EPHA7: variants seen among roughly 807,000 people sequenced by gnomAD.
EPHA7 encodes the protein EPH receptor A7.
Under a neutral mutation model 112.6 loss-of-function variants are expected in EPHA7, and 25 were observed. The ratio of observed to expected loss-of-function variants is 0.22; its 90% CI spans 0.16 to 0.31. The LOEUF (loss-of-function observed/expected upper bound fraction) is 0.31. Ranked by LOEUF, EPHA7 falls within the 10% of genes least tolerant of loss-of-function variation. The pLI is 1.00. For synonymous variants in EPHA7, 437 were observed against 406.5 expected (o/e 1.07, Z -0.90); for missense variants, 962 against 1,212.6 (o/e 0.79, Z 3.07).
At chr6:93,260,004 A>T (rs1381631126) in intron 9 of EPHA7, among the ~76,000 whole-genome samples, 1 of 151,980 alleles carries the variant, frequency 6.6e-6, no homozygotes, top group Non-Finnish European at 1.5e-5. Flanking sequence ...GTTGATATAT[A>T]CATAAAATTA....
chr6:93,319,140 A>T (rs986956320), intron 5 of EPHA7, among the ~76,000 whole-genome samples: 2 of 152,118 alleles, frequency 1.3e-5, no homozygotes, highest in African/African-American at 4.8e-5. Flanking sequence ...TTTTCCCCAA[A>T]AAGATGGACA....
At chr6:93,268,125 T>G (rs1236582505) in intron 7 of EPHA7, among the ~76,000 whole-genome samples, 1 of 151,684 alleles carries the variant, frequency 6.6e-6, no homozygotes, top group Non-Finnish European at 1.5e-5. Flanking sequence ...CTTGATCTTA[T>G]ATAATCTATT....
At chr6:93,309,676 C>T (rs1242659222) in intron 5 of EPHA7, among the ~76,000 whole-genome samples, 1 of 151,774 alleles carries the variant, frequency 6.6e-6, no homozygotes, top group Non-Finnish European at 1.5e-5. Flanking sequence ...TAAATTCATA[C>T]CCATTCAAAT....
chr6:93,384,628 G>C (rs1051870706), intron 3 of EPHA7, among the ~76,000 whole-genome samples: 11 of 152,078 alleles, frequency 7.2e-5, no homozygotes, highest in Admixed American at 3.9e-4. Flanking sequence ...TGCTCACTGT[G>C]CCTAGAAGTG....
At chr6:93,252,433 G>GA (rs3839560) in intron 14 of EPHA7, among the ~76,000 whole-genome samples, 6 of 150,778 alleles carry the variant, frequency 4.0e-5, no homozygotes, top group Admixed American at 1.3e-4. Context: ...AACCTTCCCA[G>GA]AAAAAAAAAT....
chr6:93,267,174 AT>A (rs1770983649), intron 7 of EPHA7, among the ~76,000 whole-genome samples: 1 of 151,710 alleles, frequency 6.6e-6, no homozygotes, highest in African/African-American at 2.4e-5. Flanking sequence ...AATATAAAAC[AT>A]TTTTTGATAT....
At chr6:93,344,862 C>G (rs1011682357) in intron 5 of EPHA7, among the ~76,000 whole-genome samples, 2 of 151,646 alleles carry the variant, frequency 1.3e-5, no homozygotes, top group African/African-American at 4.8e-5. Flanking sequence ...TCCATCCTAA[C>G]TATTTGTTTT....
chr6:93,244,679 GT>G (rs1769866290), intron 16 of EPHA7, among the ~76,000 whole-genome samples: 1 of 151,014 alleles, frequency 6.6e-6, no homozygotes, highest in Non-Finnish European at 1.5e-5. Flanking sequence ...TTTTTTTCAG[GT>G]TAAAAAAAAA....
At chr6:93,313,746 A>G (rs1773654342) in intron 5 of EPHA7, among the ~76,000 whole-genome samples, 1 of 151,120 alleles carries the variant, frequency 6.6e-6, no homozygotes, top group African/African-American at 2.5e-5. Flanking sequence ...AAGATATGGA[A>G]CAAGCAATAT....
chr6:93,259,956 C>T (rs1770612355), intron 9 of EPHA7, among the ~76,000 whole-genome samples: 1 of 151,872 alleles, frequency 6.6e-6, no homozygotes, highest in Non-Finnish European at 1.5e-5. Flanking sequence ...AGACATCTTA[C>T]TTATTCTTTT....
chr6:93,324,935 T>C (rs990390028), intron 5 of EPHA7, among the ~76,000 whole-genome samples: 1 of 151,364 alleles, frequency 6.6e-6, no homozygotes, highest in Non-Finnish European at 1.5e-5. Context: ...TATTGATAGA[T>C]TTTTCACTCA....
chr6:93,349,356 C>T (rs990832051), intron 5 of EPHA7, among the ~76,000 whole-genome samples: 2 of 151,826 alleles, frequency 1.3e-5, no homozygotes, highest in Non-Finnish European at 2.9e-5. Flanking sequence ...ATGTCATGCC[C>T]TGCAGGGCAT....
chr6:93,290,290 A>G (rs1772294104), intron 5 of EPHA7, among the ~76,000 whole-genome samples: 1 of 152,130 alleles, frequency 6.6e-6, no homozygotes, highest in Non-Finnish European at 1.5e-5. Flanking sequence ...TAACTACAGA[A>G]AAGTATTATG....
chr6:93,283,997 T>C (rs1771924736), intron 5 of EPHA7, among the ~76,000 whole-genome samples: 1 of 152,236 alleles, frequency 6.6e-6, no homozygotes, highest in Non-Finnish European at 1.5e-5. Context: ...TTTAAGCTGA[T>C]AAAATACAAA....
chr6:93,399,076 A>T (rs577842959), intron 3 of EPHA7, among the ~76,000 whole-genome samples: 1 of 152,198 alleles, frequency 6.6e-6, no homozygotes, highest in East Asian at 1.9e-4. Flanking sequence ...GCAAGGGCAG[A>T]GAGGTTAAAG....
chr6:93,318,706 G>T (rs564176686), intron 5 of EPHA7, among the ~76,000 whole-genome samples: 3 of 152,050 alleles, frequency 2.0e-5, no homozygotes, highest in African/African-American at 4.8e-5. Flanking sequence ...CTCATTATTA[G>T]AACTTCATGT....
chr6:93,358,463 T>TAA, intron 3 of EPHA7, 52 bp from the exon 4 acceptor site: 1 of 1,410,944 alleles, frequency 7.1e-7, no homozygotes. Context: ...AATCGATCTT[T>TAA]AAAAAAAAAT....
chr6:93,280,802 G>A lies in EPHA7; in HGVS notation c.1325-8380C>T, dbSNP rs1383806902. Reference sequence around the variant, plus strand: ...AAATATTTAAAATCATTCCTAGCATGTGGTAAGAATTCCAAAAAAAAAGTA... The same window carrying A: ...AAATATTTAAAATCATTCCTAGCATATGGTAAGAATTCCAAAAAAAAAGTA... On this transcript the variant is annotated intron_variant, in intron 5 of 16. Transcript: ENST00000369303. Among the ~76,000 whole-genome samples the A allele has an allele frequency of 2.0e-5, 3 of 152,022 alleles. No homozygotes were observed. The East Asian group carries it at 5.8e-4, about 29-fold the overall frequency.
At chr6:93,357,852 C>T (rs955970994) in intron 4 of EPHA7, among the ~76,000 whole-genome samples, 1 of 152,006 alleles carries the variant, frequency 6.6e-6, no homozygotes, top group Non-Finnish European at 1.5e-5. Context: ...CGGGGTTTCA[C>T]CATGTTGGCC....
Sources: allele counts gnomAD v4.1 joint callset (sites outside exome capture counted in the v4.1 genomes callset), GRCh38; gene constraint gnomAD v4.1.1; transcripts MANE v1.5; gene names NCBI Gene and HGNC (gene_info 2026-07-23, HGNC 2026-07-21).